The following FOXK2 variants were observed in gnomAD, a reference collection of about 807,000 sequenced individuals.
FOXK2 encodes the protein forkhead box K2.
FOXK2 carries 24 observed loss-of-function variants against 53.3 expected under a neutral mutation model. The observed-to-expected ratio is 0.45, with a 90% CI of 0.33 to 0.63. The LOEUF (loss-of-function observed/expected upper bound fraction) is 0.63. Among genes scored for constraint, FOXK2 ranks in the 30% least tolerant of loss-of-function variants. FOXK2 has a pLI of 0.03. For missense variants in FOXK2, 952 were observed against 910.5 expected, an observed-to-expected ratio of 1.05 and a Z score of -0.59; for synonymous variants, 505 against 407.1, an observed-to-expected ratio of 1.24 and a Z score of -2.89.
intron 1 of FOXK2, among the ~76,000 whole-genome samples, chr17:82,535,490 G>A (rs566165919): frequency 4.5e-4 from 69 of 152,222 alleles, no homozygotes; most frequent in African/African-American, 1.6e-3. Flanking sequence ...GGCTCTGCTC[G>A]TCTTCTTTGT....
intron 1 of FOXK2, among the ~76,000 whole-genome samples, chr17:82,542,335 T>C (rs1397885528): frequency 1.3e-5 from 2 of 151,978 alleles, no homozygotes; most frequent in East Asian, 1.9e-4. Context: ...CTAATTCTTT[T>C]TGTATTGTTA....
intron 1 of FOXK2, among the ~76,000 whole-genome samples, chr17:82,548,564 T>C (rs77207724): frequency 0.044 from 6,638 of 152,304 alleles, 209 homozygotes; most frequent in South Asian, 0.093. Context: ...GTGAATATTT[T>C]CTCCCATTCC....
rs757508510 is a variant in FOXK2 at position 82,584,148 on chromosome 17, C to T, written c.1239C>T (p.Leu413=). The change falls in exon 6 of 9, where the codon CTC becomes CTT. Residue 413 remains leucine (L), a synonymous_variant. Transcript: ENST00000335255. ...AGCCTGGCGCTGCACAGCCCAAACT[C>T]GCTGTCATCCAGGAAGCCCGGTTTG... ...EPEPGAAQPK[L]AVIQEARFAQ... is the part of the protein sequence containing the mutation. 10 of 1,609,156 alleles carry T rather than the reference C, an allele frequency of 6.2e-6. No homozygotes were observed. The highest frequency in any genetic ancestry group is 5.3e-5 in the African/African-American group (4 of 74,880).
chr17:82,534,621 C>T (rs575959042), intron 1 of FOXK2, among the ~76,000 whole-genome samples: 5 of 152,292 alleles, frequency 3.3e-5, no homozygotes, highest in Non-Finnish European at 5.9e-5. Flanking sequence ...ACATCCTTAT[C>T]GCACATGAGA....
chr17:82,594,167 C>T (rs1362953138), intron 8 of FOXK2, among the ~76,000 whole-genome samples: 2 of 152,196 alleles, frequency 1.3e-5, no homozygotes, highest in African/African-American at 2.4e-5. Context: ...AGTGTTATGA[C>T]GTAGGTTGCC....
chr17:82,575,381 G>A (rs1037228344), intron 4 of FOXK2, among the ~76,000 whole-genome samples: 1 of 152,116 alleles, frequency 6.6e-6, no homozygotes, highest in African/African-American at 2.4e-5. Context: ...AAATTCGTAG[G>A]TGCCCAGTCA....
chr17:82,561,919 G>T (rs1463816825), intron 1 of FOXK2, among the ~76,000 whole-genome samples: 2 of 82,962 alleles, frequency 2.4e-5, no homozygotes, highest in Non-Finnish European at 5.3e-5. Context: ...GGGGGGGGGT[G>T]CCCGCACTGG....
At chr17:82,528,815 A>G (rs1237975667) in intron 1 of FOXK2, among the ~76,000 whole-genome samples, 1 of 152,184 alleles carries the variant, frequency 6.6e-6, no homozygotes, top group Non-Finnish European at 1.5e-5. Context: ...TCTAGACAGT[A>G]TTTGGTTTTT....
intron 8 of FOXK2, chr17:82,593,800 T>TG (rs2045280969): frequency 1.3e-5 from 2 of 152,248 alleles, no homozygotes. Flanking sequence ...CGATGGGTGT[T>TG]GCGTTGTGAG....
rs2143196410 is a variant in FOXK2 at position 82,603,658 on chromosome 17, T to C, written c.*2159T>C. 6.6e-6 allele frequency: 1 copy of C among 152,260 alleles called. No individual in the cohort carries two copies. The highest frequency in any genetic ancestry group is 2.1e-4 in the South Asian group (1 of 4,828). 9.4% of individuals were successfully genotyped at this position (152,260 alleles called of 1,614,324 possible). ...ACTTCACATGATAGGTCTGGATCTG[T>C]TTCTGTTGGGATCACAGGTAAGGAA... is the stretch of plus-strand genomic sequence containing the variant. On this transcript the variant is annotated 3_prime_UTR_variant, in exon 9 of 9. Transcript: ENST00000335255.
intron 8 of FOXK2, among the ~76,000 whole-genome samples, chr17:82,595,165 G>A (rs1050900140): frequency 2.0e-5 from 3 of 152,188 alleles, no homozygotes; most frequent in African/African-American, 7.2e-5. Context: ...TGTGCCGTGG[G>A]GCAGGGGTAA....
chr17:82,586,946 GT>G (rs1406110673), intron 7 of FOXK2, 116 bp from the exon 8 acceptor site: 20 of 951,634 alleles, frequency 2.1e-5, no homozygotes, highest in Middle Eastern at 2.4e-4. Context: ...TTTGCTGTTT[GT>G]TTTAGAGACA....
chr17:82,601,049 G>C, intron 8 of FOXK2: 1 of 462,922 alleles, frequency 2.2e-6, no homozygotes, highest in South Asian at 4.1e-5. Flanking sequence ...CGCTAATCAG[G>C]CAGTTCACTT....
chr17:82,556,183 C>T (rs1052063898), intron 1 of FOXK2, among the ~76,000 whole-genome samples: 1 of 152,104 alleles, frequency 6.6e-6, no homozygotes, highest in Non-Finnish European at 1.5e-5. Flanking sequence ...CGGTGGCTCA[C>T]GCCTGTAATC....
chr17:82,563,211 G>C (rs543409593), intron 1 of FOXK2, 143 bp from the exon 2 acceptor site: 8 of 742,832 alleles, frequency 1.1e-5, no homozygotes, highest in African/African-American at 1.8e-5. Flanking sequence ...TTTGTTTGGC[G>C]ACTTATAATA....
In FOXK2 at chr17:82,522,041, CTTTTTTT is replaced by C. The variant is rs924582731; in HGVS notation, c.419+1752_419+1758del. ...TCCTAATGGCTACCCTTTAATCTGA[CTTTTTTT>C]TTTTTTTTTTTTTTTTTACAAAATA... On this transcript the variant is annotated intron_variant, in intron 1 of 8. Coordinates refer to ENST00000335255, the MANE Select transcript of FOXK2 (RefSeq NM_004514.4). Among the ~76,000 whole-genome samples the C allele has an allele frequency of 4.0e-3, 434 of 107,272 alleles. 10 individuals are homozygous for C. Among genetic ancestry groups the C allele is most frequent in the Admixed American group, 0.036 (361 of 9,924 alleles). The allele number at this position is 107,272 out of a possible 152,430, so 70.4% of individuals were successfully genotyped here.
rs901420716 is a variant in FOXK2 at position 82,601,750 on chromosome 17, C to T, written c.*251C>T. Reference sequence around the variant, plus strand: ...ACCTGCTGGGCTGAGCTTCTACCTACGAGTGAAACTCTGTCCTCCCGCGAG... The same window carrying T: ...ACCTGCTGGGCTGAGCTTCTACCTATGAGTGAAACTCTGTCCTCCCGCGAG... On this transcript the variant is annotated 3_prime_UTR_variant, in exon 9 of 9. Transcript: ENST00000335255. 2.7e-5 allele frequency: 11 copies of T among 411,550 alleles called. No individual in the cohort carries two copies. Among genetic ancestry groups the T allele is most frequent in the South Asian group, 8.9e-5 (2 of 22,510 alleles). 25.5% of individuals were successfully genotyped at this position (411,550 alleles called of 1,614,324 possible). A position where few individuals can be genotyped will look rare whatever the true frequency, so the allele number is the denominator to read the frequency against.
intron 2 of FOXK2, among the ~76,000 whole-genome samples, chr17:82,566,808 C>T (rs1567976352): frequency 6.6e-6 from 1 of 152,204 alleles, no homozygotes; most frequent in East Asian, 1.9e-4. Context: ...GAACCCAGGT[C>T]CCCGGGGCCT....
At chr17:82,552,455 G>A (rs375335891) in intron 1 of FOXK2, among the ~76,000 whole-genome samples, 125 of 152,250 alleles carry the variant, frequency 8.2e-4, no homozygotes, top group South Asian at 7.7e-3. Context: ...TTCACCCACC[G>A]TCGCTCCTGC....
Sources: gnomAD v4.1 joint callset for allele counts (sites outside exome capture counted in the v4.1 genomes callset) on GRCh38, gnomAD v4.1.1 for gene constraint, MANE v1.5 for transcripts, NCBI Gene and HGNC (gene_info 2026-07-23, HGNC 2026-07-21) for gene names.